Variants in TSHR observed in about 807,000 individuals in gnomAD.
TSHR encodes thyrotropin receptor.
A neutral mutation model predicts 64.1 loss-of-function variants in TSHR; 51 were observed. The observed-to-expected ratio is 0.80, with a 90% CI of 0.64 to 1.01. The LOEUF is 1.01. TSHR is among the 50% of genes least tolerant of loss of function. The pLI is 0.00. For synonymous variants in TSHR, 361 were observed against 361.9 expected, an observed-to-expected ratio of 1.00 and a Z score of 0.03; for missense variants, 877 against 942.8, an observed-to-expected ratio of 0.93 and a Z score of 0.91.
intron 1 of TSHR, among the ~76,000 whole-genome samples, chr14:81,000,418 A>G (rs973127793): frequency 6.8e-6 from 1 of 147,778 alleles, no homozygotes; most frequent in Admixed American, 6.9e-5. Context: ...TCATGCTTTT[A>G]TTCTCTATCC....
intron 1 of TSHR, among the ~76,000 whole-genome samples, chr14:81,041,290 A>G (rs557924891): frequency 6.6e-6 from 1 of 152,234 alleles, no homozygotes; most frequent in South Asian, 2.1e-4. Flanking sequence ...CAATGATAGA[A>G]TGGATAAAAA....
rs190370012 is a variant in TSHR, at chr14:81,010,623, A to G, written c.171-51525A>G. Among the ~76,000 whole-genome samples the G allele has an allele frequency of 4.9e-4, 75 of 152,260 alleles. 2 individuals carry two copies. The East Asian group carries it at 0.012, about 25-fold the overall frequency. ...CTCTCTTGCTTTTCCCTACAGGAAA[A>G]TATATTAAAATAACCATTTTTTTCT... On this transcript the variant is annotated intron_variant, in intron 1 of 9. Coordinates refer to ENST00000298171, the MANE Select transcript of TSHR (RefSeq NM_000369.5).
chr14:81,121,973 A>G (rs982745024), intron 8 of TSHR, among the ~76,000 whole-genome samples: 1 of 134,716 alleles, frequency 7.4e-6, no homozygotes, highest in Admixed American at 8.0e-5. Flanking sequence ...AGATTATTTG[A>G]TGGAATTCAT....
intron 3 of TSHR, among the ~76,000 whole-genome samples, chr14:81,086,638 A>G (rs2139963935): frequency 6.6e-6 from 1 of 152,382 alleles, no homozygotes; most frequent in South Asian, 2.1e-4. Flanking sequence ...TTTTACAGAC[A>G]GGAAAACTAT....
intron 8 of TSHR, among the ~76,000 whole-genome samples, chr14:81,121,693 G>A (rs1281260579): frequency 2.0e-5 from 3 of 152,110 alleles, no homozygotes; most frequent in African/African-American, 4.8e-5. Context: ...TGTAATCCCA[G>A]CACTCTGGAA....
intron 1 of TSHR, among the ~76,000 whole-genome samples, chr14:81,041,356 A>T (rs900722100): frequency 1.3e-5 from 2 of 152,188 alleles, no homozygotes; most frequent in Admixed American, 1.3e-4. Context: ...GAACGAGATC[A>T]TGTCCTTTGC....
rs532783871 is a variant in TSHR, at chr14:81,084,095, C to T, written c.318-3859C>T. Among the ~76,000 whole-genome samples, 5 of 152,292 alleles carry T rather than the reference C, an allele frequency of 3.3e-5. No homozygotes were observed. In the East Asian group the frequency reaches 9.7e-4, roughly 29 times the overall value. On this transcript the variant is annotated intron_variant, in intron 3 of 9. Transcript: ENST00000298171. ...TCCCTCTCCCAACACATGGAGATTA[C>T]AACTGGGGTTACAATTCAAGATGAG...
chr14:81,027,394 T>C (rs562855550), intron 1 of TSHR, among the ~76,000 whole-genome samples: 1 of 152,144 alleles, frequency 6.6e-6, no homozygotes, highest in South Asian at 2.1e-4. Context: ...TAAATATCTA[T>C]TAATTTCCAT....
At chr14:80,996,908 G>A (rs1889051418) in intron 1 of TSHR, among the ~76,000 whole-genome samples, 1 of 151,924 alleles carries the variant, frequency 6.6e-6, no homozygotes, top group Admixed American at 6.6e-5. Flanking sequence ...CTATTCTCTA[G>A]GAAACCTAAT....
chr14:81,100,218 T>C (rs577244758), intron 7 of TSHR, among the ~76,000 whole-genome samples: 1 of 152,348 alleles, frequency 6.6e-6, no homozygotes, highest in African/African-American at 2.4e-5. Flanking sequence ...TTTCAGATCT[T>C]CTAATAAAAT....
intron 9 of TSHR, among the ~76,000 whole-genome samples, chr14:81,141,346 T>A (rs1891677869): frequency 6.6e-6 from 1 of 152,144 alleles, no homozygotes. Context: ...GAAGAGCAAG[T>A]CCATTGGACA....
intron 7 of TSHR, among the ~76,000 whole-genome samples, chr14:81,106,821 T>C (rs2140025593): frequency 6.6e-6 from 1 of 151,860 alleles, no homozygotes; most frequent in East Asian, 1.9e-4. Context: ...GGCGATCGCC[T>C]GTAGTCCCAG....
chr14:81,031,750 A>G (rs889703856), intron 1 of TSHR, among the ~76,000 whole-genome samples: 1 of 152,080 alleles, frequency 6.6e-6, no homozygotes, highest in Non-Finnish European at 1.5e-5. Context: ...AGCCACACAA[A>G]CTCTAGCAGC....
rs144011136 is a variant in TSHR at position 81,113,595 on chromosome 14, A to G, written c.692+5143A>G. Among the ~76,000 whole-genome samples the G allele has an allele frequency of 2.7e-3, 407 of 152,324 alleles. 1 individual carries two copies. The highest frequency in any genetic ancestry group is 8.8e-3 in the African/African-American group (364 of 41,570). ...CTGATCTTTTTTTAAACAACATTAAAATGACAGTACTTCTGAGAAAATATA... is the reference window on the plus strand; with the variant it reads ...CTGATCTTTTTTTAAACAACATTAAGATGACAGTACTTCTGAGAAAATATA... On this transcript the variant is annotated intron_variant, in intron 8 of 9. Coordinates refer to ENST00000298171, the MANE Select transcript of TSHR (RefSeq NM_000369.5).
intron 1 of TSHR, among the ~76,000 whole-genome samples, chr14:81,011,455 C>T (rs896709935): frequency 6.6e-6 from 1 of 151,968 alleles, no homozygotes; most frequent in African/African-American, 2.4e-5. Context: ...GAAGATAAAG[C>T]TATTCACAGT....
At chr14:80,986,143 G>A (rs1888435102) in intron 1 of TSHR, among the ~76,000 whole-genome samples, 1 of 152,122 alleles carries the variant, frequency 6.6e-6, no homozygotes, top group African/African-American at 2.4e-5. Flanking sequence ...TGAAATAATT[G>A]TTATGTTTTA....
intron 3 of TSHR, among the ~76,000 whole-genome samples, chr14:81,069,086 A>G (rs1396593360): frequency 6.6e-6 from 1 of 152,226 alleles, no homozygotes; most frequent in African/African-American, 2.4e-5. Context: ...AAAAATACTT[A>G]TCTACAAATA....
chr14:80,996,109 T>C (rs539053639), intron 1 of TSHR, among the ~76,000 whole-genome samples: 2 of 152,316 alleles, frequency 1.3e-5, no homozygotes, highest in South Asian at 4.1e-4. Flanking sequence ...CCAAAACAGA[T>C]GTTGTTCCCT....
chr14:81,133,378 T>C (rs1039521044), intron 8 of TSHR, among the ~76,000 whole-genome samples: 17 of 152,190 alleles, frequency 1.1e-4, no homozygotes, highest in Admixed American at 1.1e-3. Context: ...AGAGGGAGCG[T>C]AGTCAGAGAC....
Sources: gnomAD v4.1 joint callset for allele counts (sites outside exome capture counted in the v4.1 genomes callset) on GRCh38, gnomAD v4.1.1 for gene constraint, MANE v1.5 for transcripts, NCBI Gene and HGNC (gene_info 2026-07-23, HGNC 2026-07-21) for gene names.